Variants in LRRC4C observed in about 807,000 individuals in gnomAD.
The protein encoded by LRRC4C is leucine rich repeat containing 4C.
In LRRC4C, 5 loss-of-function variants were observed where a neutral mutation model predicts 33.6. That is an observed-to-expected ratio of 0.15 (90% CI 0.08 to 0.31). The LOEUF (loss-of-function observed/expected upper bound fraction) is 0.31. Ranked by LOEUF, LRRC4C falls within the 10% of genes least tolerant of loss-of-function variation. LRRC4C has a pLI of 1.00. For synonymous variants in LRRC4C, 329 were observed against 302.0 expected (o/e 1.09, Z -0.93); for missense variants, 560 against 796.7 (o/e 0.70, Z 3.58).
intron 2 of LRRC4C, among the ~76,000 whole-genome samples, chr11:40,748,832 T>C (rs144839459): frequency 0.015 from 2,240 of 152,238 alleles, 23 homozygotes; most frequent in Non-Finnish European, 0.022. Context: ...AGAATAGCTA[T>C]ACATATATTG....
intron 1 of LRRC4C, among the ~76,000 whole-genome samples, chr11:41,073,661 T>C (rs188329151): frequency 1.1e-4 from 17 of 152,350 alleles, no homozygotes; most frequent in African/African-American, 4.1e-4. Context: ...GTTCAATATA[T>C]ATGTGCAAGA....
chr11:41,231,675 T>G (rs1947803285), intron 1 of LRRC4C, among the ~76,000 whole-genome samples: 1 of 151,422 alleles, frequency 6.6e-6, no homozygotes, highest in Non-Finnish European at 1.5e-5. Flanking sequence ...AATGACGCGT[T>G]AATGGGTGCA....
At chr11:40,518,361 A>G (rs866491740) in intron 3 of LRRC4C, among the ~76,000 whole-genome samples, 1 of 152,126 alleles carries the variant, frequency 6.6e-6, no homozygotes, top group African/African-American at 2.4e-5. Context: ...AATCTATCCA[A>G]TTGACAAAAG....
At chr11:40,952,216 G>A (rs1958724552) in intron 1 of LRRC4C, among the ~76,000 whole-genome samples, 1 of 151,864 alleles carries the variant, frequency 6.6e-6, no homozygotes, top group Admixed American at 6.6e-5. Context: ...GTGAGCCAAA[G>A]AAGAGGGATA....
At chr11:41,019,970 C>A (rs1232793412) in intron 1 of LRRC4C, among the ~76,000 whole-genome samples, 1 of 152,078 alleles carries the variant, frequency 6.6e-6, no homozygotes, top group Non-Finnish European at 1.5e-5. Context: ...TGTAGGTTGC[C>A]TGTTCACTCT....
intron 4 of LRRC4C, among the ~76,000 whole-genome samples, chr11:40,312,371 T>C (rs754494427): frequency 6.6e-6 from 1 of 152,214 alleles, no homozygotes; most frequent in Non-Finnish European, 1.5e-5. Context: ...GTTATTTTGC[T>C]TTTGTCTTCC....
At chr11:40,162,982 C>A (rs917089327) in intron 5 of LRRC4C, among the ~76,000 whole-genome samples, 2 of 152,168 alleles carry the variant, frequency 1.3e-5, no homozygotes, top group African/African-American at 4.8e-5. Context: ...CCTCTAACCA[C>A]CTCTACTACA....
intron 2 of LRRC4C, among the ~76,000 whole-genome samples, chr11:40,673,423 C>T (rs1489826499): frequency 1.3e-5 from 2 of 152,144 alleles, no homozygotes; most frequent in East Asian, 3.9e-4. Flanking sequence ...TTCTACAGGC[C>T]ATAAGGCAAC....
chr11:41,426,248 C>T (rs1955038586), intron 1 of LRRC4C: 1 of 152,220 alleles, frequency 6.6e-6, no homozygotes, highest in African/African-American at 2.4e-5. Context: ...ACTTGTTCCA[C>T]AGCTTCTAAC....
intron 1 of LRRC4C, among the ~76,000 whole-genome samples, chr11:41,166,129 CAA>C: frequency 7.0e-6 from 1 of 142,540 alleles, no homozygotes; most frequent in African/African-American, 2.6e-5. Context: ...GTATTTATGT[CAA>C]AAAAAAAAGC....
chr11:40,544,394 C>T (rs1956838893), intron 3 of LRRC4C, among the ~76,000 whole-genome samples: 1 of 152,060 alleles, frequency 6.6e-6, no homozygotes, highest in Admixed American at 6.6e-5. Flanking sequence ...CTGTTCTTTA[C>T]CTTCCTGCCA....
chr11:40,536,479 A>G (rs915176510), intron 3 of LRRC4C, among the ~76,000 whole-genome samples: 7 of 152,168 alleles, frequency 4.6e-5, no homozygotes, highest in African/African-American at 1.7e-4. Flanking sequence ...GGCGTGAGCC[A>G]CCGTGCCCGG....
At chr11:40,449,838 T>G (rs1951807184) in intron 3 of LRRC4C, among the ~76,000 whole-genome samples, 1 of 152,154 alleles carries the variant, frequency 6.6e-6, no homozygotes, top group South Asian at 2.1e-4. Flanking sequence ...AAAACAGCAT[T>G]AAAGTTCAGT....
chr11:41,141,243 G>A (rs1259450405), intron 1 of LRRC4C, among the ~76,000 whole-genome samples: 1 of 151,852 alleles, frequency 6.6e-6, no homozygotes, highest in African/African-American at 2.4e-5. Flanking sequence ...CCCAGTCTCC[G>A]AATCACCACC....
chr11:40,616,480 A>T (rs1961846459), intron 3 of LRRC4C, among the ~76,000 whole-genome samples: 1 of 151,732 alleles, frequency 6.6e-6, no homozygotes, highest in Non-Finnish European at 1.5e-5. Flanking sequence ...TTGCGGCACT[A>T]TTCACAATAG....
chr11:40,565,673 G>A (rs1032907174), intron 3 of LRRC4C, among the ~76,000 whole-genome samples: 1 of 152,018 alleles, frequency 6.6e-6, no homozygotes, highest in Non-Finnish European at 1.5e-5. Context: ...CTCCCCATGT[G>A]CCTTCAGAGA....
At chr11:41,283,923 G>A (rs1949744472) in intron 1 of LRRC4C, among the ~76,000 whole-genome samples, 1 of 151,996 alleles carries the variant, frequency 6.6e-6, no homozygotes, top group Non-Finnish European at 1.5e-5. Flanking sequence ...TATCTTTTAG[G>A]GTTTTTGTAA....
At chr11:40,250,268 AC>A (rs1195927411) in intron 4 of LRRC4C, among the ~76,000 whole-genome samples, 17 of 152,100 alleles carry the variant, frequency 1.1e-4, no homozygotes, top group Non-Finnish European at 2.4e-4. Flanking sequence ...GACCCTTGTA[AC>A]TATGCATTAA....
chr11:40,841,804 A>T (rs561756225), intron 2 of LRRC4C, among the ~76,000 whole-genome samples: 8 of 152,308 alleles, frequency 5.3e-5, no homozygotes, highest in African/African-American at 1.9e-4. Context: ...GCCAACCAAG[A>T]TTGCTAAATA....
Sources: gnomAD v4.1 joint callset for allele counts (sites outside exome capture counted in the v4.1 genomes callset) on GRCh38, gnomAD v4.1.1 for gene constraint, MANE v1.5 for transcripts, NCBI Gene and HGNC (gene_info 2026-07-23, HGNC 2026-07-21) for gene names.